Variants in ATP11B observed in about 807,000 individuals in gnomAD.
ATP11B encodes phospholipid-transporting ATPase IF.
Under a neutral mutation model 157.8 loss-of-function variants are expected in ATP11B, and 81 were observed. The ratio of observed to expected loss-of-function variants is 0.51; its 90% CI spans 0.43 to 0.62. The LOEUF (loss-of-function observed/expected upper bound fraction) is 0.62. Ranked by LOEUF, ATP11B falls within the 20% of genes least tolerant of loss-of-function variation. ATP11B has a pLI of 0.00. For missense variants in ATP11B, 1,165 were observed against 1,402.2 expected, an observed-to-expected ratio of 0.83 and a Z score of 2.70; for synonymous variants, 451 against 469.4, an observed-to-expected ratio of 0.96 and a Z score of 0.51.
chr3:182,858,174 A>T, intron 11 of ATP11B, 146 bp downstream of exon 11: 2 of 643,476 alleles, frequency 3.1e-6, no homozygotes, highest in East Asian at 5.5e-5. Flanking sequence ...TTGCAAATGC[A>T]GAGAAGCCAG....
intron 28 of ATP11B, among the ~76,000 whole-genome samples, chr3:182,903,454 C>T (rs1724112042): frequency 6.6e-6 from 1 of 152,194 alleles, no homozygotes; most frequent in African/African-American, 2.4e-5. Flanking sequence ...ATGGCTTTTA[C>T]GAAGCACCAC....
chr3:182,910,881 T>C (rs1724730732), intron 28 of ATP11B, among the ~76,000 whole-genome samples: 1 of 152,220 alleles, frequency 6.6e-6, no homozygotes, highest in Non-Finnish European at 1.5e-5. Context: ...CAGTTTATCT[T>C]GAGCCAGTGC....
chr3:182,838,183 A>G (rs897434658), intron 7 of ATP11B, among the ~76,000 whole-genome samples: 6 of 152,176 alleles, frequency 3.9e-5, no homozygotes, highest in African/African-American at 1.4e-4. Flanking sequence ...CAAATGCAGT[A>G]TAGAATTTGC....
chr3:182,905,482 C>G (rs1161600754), intron 28 of ATP11B, among the ~76,000 whole-genome samples: 5 of 152,092 alleles, frequency 3.3e-5, no homozygotes, highest in Non-Finnish European at 1.5e-5. Context: ...AATAAGAACC[C>G]TAAATCTTGG....
chr3:182,816,484 T>A (rs1716975368), intron 1 of ATP11B, among the ~76,000 whole-genome samples: 1 of 152,230 alleles, frequency 6.6e-6, no homozygotes, highest in South Asian at 2.1e-4. Flanking sequence ...CTTTCCAGTG[T>A]CATAGAATTG....
At position 182,857,908 on chromosome 3, in the gene ATP11B, A is replaced by G. The variant is rs758782427; in HGVS notation, c.882A>G (p.Leu294=). The G allele has an allele frequency of 1.9e-6, 3 of 1,551,258 alleles. No homozygotes were observed. The highest frequency in any genetic ancestry group is 4.5e-5 in the East Asian group (2 of 44,338). The change falls in exon 11 of 30, where the codon CTA becomes CTG. Residue 294 remains leucine, a synonymous_variant. Coordinates refer to ENST00000323116, the MANE Select transcript of ATP11B (RefSeq NM_014616.3). The stretch of plus-strand genomic sequence containing the variant: ...TGAATACATTTTTGATAATTTATCT[A>G]GTAATTCTTATATCTGAAGCTGTCA... The part of the protein sequence containing the change: ...KSMNTFLIIY[L]VILISEAVIS...
chr3:182,916,059 A>G (rs1376302310), intron 29 of ATP11B: 2 of 985,236 alleles, frequency 2.0e-6, no homozygotes, highest in Admixed American at 6.2e-5. Flanking sequence ...ATAAAGTCAT[A>G]TAATAACACC....
chr3:182,910,315 C>G (rs2015385), intron 28 of ATP11B, among the ~76,000 whole-genome samples: 1 of 151,868 alleles, frequency 6.6e-6, no homozygotes, highest in Non-Finnish European at 1.5e-5. Context: ...GTAGCTCACA[C>G]CTGTAATCCC....
rs75562864 is a variant in ATP11B, at chr3:182,903,294, C to T, written c.3318+4522C>T. ...AAATTGACACTTTTCCATTTCTTGC[C>T]CTATTGGTTTCTTACAGATTCTTAA... On this transcript the variant is annotated intron_variant, in intron 28 of 29. Coordinates refer to ENST00000323116, the MANE Select transcript of ATP11B (RefSeq NM_014616.3). Among the ~76,000 whole-genome samples the T allele has an allele frequency of 4.0e-3, 598 of 151,206 alleles. 2 individuals are homozygous for T. Among genetic ancestry groups the T allele is most frequent in the African/African-American group, 0.014 (583 of 41,290 alleles).
At position 182,887,674 on chromosome 3, in the gene ATP11B, T is replaced by C. The variant is rs1249172795; in HGVS notation, c.2804T>C (p.Val935Ala). Residue 935 changes from valine to alanine, a missense_variant, in exon 24 of 30, where the codon GTA becomes GCA. By Grantham distance (64) the Val-to-Ala change is moderately conservative. This residue lies in a region of ATP11B where 303 missense variants were observed against 296.3 expected (regional missense o/e 1.02). Transcript: ENST00000323116. ...ILIYSLLEQH[V>A]DPHVLQNKPT... Reference sequence around the variant, plus strand: ...ATATATAGTCTTTTGGAACAGCATGTAGACCCTCATGTGTTACAAAATAAG... The same window carrying C: ...ATATATAGTCTTTTGGAACAGCATGCAGACCCTCATGTGTTACAAAATAAG... 1 of 1,612,864 alleles carries C rather than the reference T, an allele frequency of 6.2e-7. No individual in the cohort carries two copies. The highest frequency in any genetic ancestry group is 1.1e-5 in the South Asian group (1 of 90,870).
chr3:182,821,886 A>G (rs187525859), intron 2 of ATP11B, among the ~76,000 whole-genome samples: 47 of 152,336 alleles, frequency 3.1e-4, no homozygotes, highest in Non-Finnish European at 6.0e-4. Flanking sequence ...CTTCTAAAGC[A>G]ACTAACATCT....
At chr3:182,846,609 G>A (rs1209581502) in intron 9 of ATP11B, among the ~76,000 whole-genome samples, 1 of 152,102 alleles carries the variant, frequency 6.6e-6, no homozygotes, top group African/African-American at 2.4e-5. Flanking sequence ...GCAAAATATG[G>A]TATATCCATA....
chr3:182,840,187 T>G (rs1489350624), intron 7 of ATP11B, among the ~76,000 whole-genome samples: 1 of 152,222 alleles, frequency 6.6e-6, no homozygotes, highest in Non-Finnish European at 1.5e-5. Flanking sequence ...GTTGAATAGT[T>G]CATTGCTTTC....
chr3:182,903,440 A>G (rs1040315520), intron 28 of ATP11B, among the ~76,000 whole-genome samples: 1 of 152,164 alleles, frequency 6.6e-6, no homozygotes, highest in Non-Finnish European at 1.5e-5. Flanking sequence ...ATCTGATCAA[A>G]TGAATGGCTT....
chr3:182,817,586 A>G (rs937678382), intron 1 of ATP11B, among the ~76,000 whole-genome samples: 2 of 152,276 alleles, frequency 1.3e-5, no homozygotes, highest in South Asian at 2.1e-4. Flanking sequence ...GCCAGGGGGA[A>G]CGTTTTAATA....
chr3:182,823,743 A>G (rs1365620295), intron 2 of ATP11B, among the ~76,000 whole-genome samples: 3 of 152,190 alleles, frequency 2.0e-5, no homozygotes, highest in Non-Finnish European at 2.9e-5. Context: ...CTTCCTATCC[A>G]TGGCCATGGA....
At position 182,889,413 on chromosome 3, in the gene ATP11B, C is replaced by T; in HGVS notation, c.2847C>T (p.Asp949=). 2 of 1,559,450 alleles carry T rather than the reference C, an allele frequency of 1.3e-6. No homozygotes were observed. The highest frequency in any genetic ancestry group is 1.7e-6 in the Non-Finnish European group (2 of 1,155,504). ...CTTTTTCTCTTCTTTTTAACAGAGACATTAGTAAAAACCGCCTCTTAAGTA... is the reference window on the plus strand; with the variant it reads ...CTTTTTCTCTTCTTTTTAACAGAGATATTAGTAAAAACCGCCTCTTAAGTA... ...VLQNKPTLYR[D]ISKNRLLSIK... Residue 949 remains aspartate (D), a synonymous_variant, in exon 25 of 30, where the codon GAC becomes GAT. Transcript: ENST00000323116.
chr3:182,826,524 A>G (rs1717731805), intron 2 of ATP11B, among the ~76,000 whole-genome samples: 1 of 152,108 alleles, frequency 6.6e-6, no homozygotes, highest in Non-Finnish European at 1.5e-5. Context: ...CACAATTACC[A>G]TCTCATGTGT....
rs911656839 is a variant in ATP11B at position 182,896,823 on chromosome 3, A to C, written c.3048+58A>C. The C allele has an allele frequency of 1.4e-5, 18 of 1,273,450 alleles. No individual in the cohort carries two copies. In the African/African-American group the frequency reaches 2.4e-4, roughly 17 times the overall value. 78.9% of individuals were successfully genotyped at this position (1,273,450 alleles called of 1,614,324 possible). On this transcript the variant is annotated intron_variant, in intron 26 of 29. Coordinates refer to ENST00000323116, the MANE Select transcript of ATP11B (RefSeq NM_014616.3). Reference sequence around the variant, plus strand: ...TTTGCAACTGTTTACATAGTTAGTTAACTTTCTTCATTTCTTTAGCCATAG... The same window carrying C: ...TTTGCAACTGTTTACATAGTTAGTTCACTTTCTTCATTTCTTTAGCCATAG...
Sources: gnomAD v4.1 joint callset for allele counts (sites outside exome capture counted in the v4.1 genomes callset) on GRCh38, gnomAD v4.1.1 for gene constraint, gnomAD v4.1.1 regional missense constraint, MANE v1.5 for transcripts, NCBI Gene and HGNC (gene_info 2026-07-23, HGNC 2026-07-21) for gene names.